The following MYO1C variants were observed in gnomAD, a reference collection of about 807,000 sequenced individuals.
MYO1C encodes the protein myosin IC.
A neutral mutation model predicts 150.8 loss-of-function variants in MYO1C; 104 were observed. The ratio of observed to expected loss-of-function variants is 0.69; its 90% CI spans 0.59 to 0.81. The LOEUF is 0.81. MYO1C is among the 30% of genes least tolerant of loss of function. MYO1C has a pLI of 0.00. For synonymous variants in MYO1C, 663 were observed against 579.9 expected, an observed-to-expected ratio of 1.14 and a Z score of -2.06; for missense variants, 1,504 against 1,435.0, an observed-to-expected ratio of 1.05 and a Z score of -0.78.
intron 1 of MYO1C, among the ~76,000 whole-genome samples, chr17:1,486,391 A>T (rs2074655938): frequency 6.6e-6 from 1 of 152,022 alleles, no homozygotes; most frequent in African/African-American, 2.4e-5. Flanking sequence ...GCCCCTCTGG[A>T]GGGCTCAGTT....
Position 1,464,213 on chromosome 17 carries a change from T to C in MYO1C, c.*1513A>G, listed in dbSNP as rs2074126801. The C allele has an allele frequency of 6.6e-6, 1 of 152,668 alleles. No homozygotes were observed. Among genetic ancestry groups the C allele is most frequent in the Non-Finnish European group, 1.5e-5 (1 of 68,064 alleles). 9.5% of individuals were successfully genotyped at this position (152,668 alleles called of 1,614,324 possible). A position where few individuals can be genotyped will look rare whatever the true frequency, so the allele number is the denominator to read the frequency against. On this transcript the variant is annotated 3_prime_UTR_variant, in exon 32 of 32. Transcript: ENST00000648651. Reference sequence around the variant, plus strand: ...GGCAAACACGTATTGCTTTATTTAGTGTTTCTCTGGATTGCAGAAGTGTCA... The same window carrying C: ...GGCAAACACGTATTGCTTTATTTAGCGTTTCTCTGGATTGCAGAAGTGTCA...
chr17:1,486,483 C>T, intron 1 of MYO1C, among the ~76,000 whole-genome samples: 1 of 151,918 alleles, frequency 6.6e-6, no homozygotes, highest in Non-Finnish European at 1.5e-5. Context: ...CCCCACTCGC[C>T]TCTGGGCCCG....
At position 1,485,725 on chromosome 17, in the gene MYO1C, C is replaced by G. The variant is rs1296489111; in HGVS notation, c.76-1422G>C. The G allele has an allele frequency of 3.4e-6, 4 of 1,161,450 alleles. No individual in the cohort carries two copies. The African/African-American group carries it at 4.9e-5, about 14-fold the overall frequency. The allele number at this position is 1,161,450 out of a possible 1,614,324, so 71.9% of individuals were successfully genotyped here. On this transcript the variant is annotated intron_variant, in intron 1 of 31. Transcript: ENST00000648651. Reference sequence around the variant, plus strand: ...CCGGTAGCGCATCCTGCCCGGCCGGCCTGGCGCCCGCTCCGCTGCCCGCGC... The same window carrying G: ...CCGGTAGCGCATCCTGCCCGGCCGGGCTGGCGCCCGCTCCGCTGCCCGCGC...
At chr17:1,490,739 C>A (rs1176672582) in intron 1 of MYO1C, among the ~76,000 whole-genome samples, 5 of 152,080 alleles carry the variant, frequency 3.3e-5, no homozygotes, top group Non-Finnish European at 7.4e-5. Flanking sequence ...CCTATGAACT[C>A]CCGAGACCCC....
At chr17:1,485,101 C>T in intron 1 of MYO1C, 1 of 1,244,816 alleles carries the variant, frequency 8.0e-7, no homozygotes, top group Non-Finnish European at 1.0e-6. Flanking sequence ...CCTGAGAAGC[C>T]TCAGGGGATG....
rs1392098134 is a variant in MYO1C at position 1,467,309 on chromosome 17, C to T, written c.3098G>A (p.Gly1033Asp). 6.2e-7 allele frequency: 1 copy of T among 1,613,462 alleles called. No individual in the cohort carries two copies. Among genetic ancestry groups the T allele is most frequent in the Admixed American group, 1.7e-5 (1 of 59,958 alleles). Residue 1033 changes from glycine (G) to aspartate (D), a missense_variant, in exon 31 of 32, where the codon GGC becomes GAC. Coordinates refer to ENST00000648651, the MANE Select transcript of MYO1C (RefSeq NM_001080779.2). ...ITFAGGPGRDGTIDFTPGSEL... is the reference protein window; with the variant it reads ...ITFAGGPGRDDTIDFTPGSEL... ...CGAGCCGGGTGTGAAGTCAATGGTG[C>T]CATCCCTGCCGGGGCCCCCTGCAAA...
At position 1,467,189 on chromosome 17, in the gene MYO1C, G is replaced by GC. The variant is rs1206275285; in HGVS notation, c.3165+52_3165+53insG. 19 of 1,514,948 alleles carry GC rather than the reference G, an allele frequency of 1.3e-5. No homozygotes were observed. The African/African-American group carries it at 2.5e-4, about 20-fold the overall frequency. 93.8% of individuals were successfully genotyped at this position (1,514,948 alleles called of 1,614,324 possible). On this transcript the variant is annotated intron_variant, in intron 31 of 31. Transcript: ENST00000648651. The stretch of plus-strand genomic sequence containing the variant: ...CTGGGCTCTGCCAAGCACAGCCAAG[G>GC]AAGGCTTGGCTATCACAGCCAGGCC...
chr17:1,467,467 G>A lies in MYO1C; in HGVS notation c.3065+13C>T, dbSNP rs373957016. On this transcript the variant is annotated intron_variant, in intron 30 of 31. Transcript: ENST00000648651. Reference sequence around the variant, plus strand: ...CACCCCCGCCCTGTCCCCGGGGGCCGCCCGCGCCTCACCTGCCCTGGTTGA... The same window carrying A: ...CACCCCCGCCCTGTCCCCGGGGGCCACCCGCGCCTCACCTGCCCTGGTTGA... 6.2e-5 allele frequency: 100 copies of A among 1,610,344 alleles called. No individual in the cohort carries two copies. Among genetic ancestry groups the A allele is most frequent in the East Asian group, 1.8e-4 (8 of 44,772 alleles).
chr17:1,491,596 C>G (rs891181997), intron 1 of MYO1C: 1 of 980,836 alleles, frequency 1.0e-6, no homozygotes, highest in African/African-American at 1.8e-5. Flanking sequence ...CCCCGAGTAC[C>G]CACCGGCGTG....
chr17:1,472,423 G>GAGAGACCTC lies in MYO1C; in HGVS notation c.1798-204_1798-196dup, dbSNP rs1302210632. ...CCACCCCTTACCCCTCTGGCTGGGC[G>GAGAGACCTC]AGAGACCTCAGTCTACGAGCCTCAC... On this transcript the variant is annotated intron_variant, in intron 17 of 31. Transcript: ENST00000648651. 5 of 597,224 alleles carry GAGAGACCTC rather than the reference G, an allele frequency of 8.4e-6. No individual in the cohort carries two copies. The African/African-American group carries it at 9.3e-5, about 11-fold the overall frequency. The allele number at this position is 597,224 out of a possible 1,614,324, so 37.0% of individuals were successfully genotyped here. A position where few individuals can be genotyped will look rare whatever the true frequency, so the allele number is the denominator to read the frequency against.
Position 1,472,201 on chromosome 17 carries a change from G to A in MYO1C, c.1825C>T (p.Leu609=), listed in dbSNP as rs200180347. The A allele has an allele frequency of 1.1e-5, 17 of 1,614,184 alleles. No homozygotes were observed. The East Asian group carries it at 2.2e-4, about 21-fold the overall frequency. The change falls in exon 18 of 32, where the codon CTG becomes TTG. Residue 609 remains leucine (L), a synonymous_variant. Transcript: ENST00000648651. ...GACTGCAGGATCTCCACCAGCTGCA[G>A]GAGGCTCATCTTGAACTGGGTGGCG... ...TVATQFKMSL[L]QLVEILQSKE... is the part of the protein sequence containing the mutation.
intron 5 of MYO1C, 76 bp downstream of exon 5, chr17:1,482,402 C>G (rs1005946556): frequency 7.6e-7 from 1 of 1,320,128 alleles, no homozygotes; most frequent in African/African-American, 1.5e-5. Context: ...TGGAATAGTC[C>G]CTGGTACCCA....
intron 27 of MYO1C, 39 bp from the exon 28 acceptor site, chr17:1,468,162 C>T (rs1301858240): frequency 1.2e-6 from 2 of 1,612,010 alleles, no homozygotes; most frequent in Middle Eastern, 1.7e-4. Context: ...TGGGGAGAGG[C>T]TCCCAAGGCT....
At chr17:1,467,645 CCATCCACCTCCT>C in intron 29 of MYO1C, 68 bp from the exon 30 acceptor site, 1 of 1,452,550 alleles carries the variant, frequency 6.9e-7, no homozygotes, top group Non-Finnish European at 9.4e-7. Context: ...CCCCACCTCC[CCATCCACCTCCT>C]GACCCCCAAA....
intron 24 of MYO1C, 72 bp from the exon 25 acceptor site, chr17:1,469,686 T>C: frequency 8.0e-7 from 1 of 1,246,808 alleles, no homozygotes; most frequent in Non-Finnish European, 1.2e-6. Context: ...GAACATATGC[T>C]ACTGCATCCT....
rs1321452806 is a variant in MYO1C at position 1,468,422 on chromosome 17, G to A, written c.2685C>T (p.Leu895=). The change falls in exon 26 of 32, where the codon CTC becomes CTT. Residue 895 remains leucine (L), a synonymous_variant. Transcript: ENST00000648651. The part of the protein sequence containing the change: ...KDNYPQSVPR[L]FISTRLGTDE... ...GCTCACCAAGCCGAGTGCTGATGAA[G>A]AGCCTGGGTACACTCTGAGGGTAAT... is the stretch of plus-strand genomic sequence containing the variant. The A allele has an allele frequency of 1.9e-6, 3 of 1,614,100 alleles. No individual in the cohort carries two copies. Among genetic ancestry groups the A allele is most frequent in the South Asian group, 2.2e-5 (2 of 91,074 alleles).
intron 17 of MYO1C, 125 bp downstream of exon 17, chr17:1,474,485 G>T (rs2074362642): frequency 2.2e-6 from 2 of 897,504 alleles, no homozygotes; most frequent in South Asian, 2.6e-5. Context: ...GCCCCCTACA[G>T]ACACCTGCAG....
chr17:1,476,474 C>T (rs1020597628), intron 14 of MYO1C, among the ~76,000 whole-genome samples: 2 of 152,200 alleles, frequency 1.3e-5, no homozygotes, highest in African/African-American at 4.8e-5. Flanking sequence ...CACGCCCATC[C>T]AGAAACAAAT....
At chr17:1,483,832 T>TCTC (rs530038462) in intron 2 of MYO1C, 107 bp from the exon 3 acceptor site, 10,929 of 902,068 alleles carry the variant, frequency 0.012, 88 homozygotes, top group Middle Eastern at 0.019. Context: ...TCACCTGAGG[T>TCTC]CGGGAGTTCA....
Sources: gnomAD v4.1 joint callset for allele counts (sites outside exome capture counted in the v4.1 genomes callset) on GRCh38, gnomAD v4.1.1 for gene constraint, MANE v1.5 for transcripts, NCBI Gene and HGNC (gene_info 2026-07-23, HGNC 2026-07-21) for gene names.